NDUFS1: variants seen among roughly 807,000 people sequenced by gnomAD.
The protein encoded by NDUFS1 is NADH-ubiquinone oxidoreductase 75 kDa subunit, mitochondrial.
In NDUFS1, 61 loss-of-function variants were observed where a neutral mutation model predicts 84.4. That is an observed-to-expected ratio of 0.72 (90% CI 0.59 to 0.89). NDUFS1 has a LOEUF of 0.89. Among genes scored for constraint, NDUFS1 ranks in the 40% least tolerant of loss-of-function variants. The pLI is 0.00. For synonymous variants in NDUFS1, 275 were observed against 290.0 expected (o/e 0.95, Z 0.53); for missense variants, 891 against 890.0 (o/e 1.00, Z -0.01).
At position 206,115,832 on chromosome 2, in the gene NDUFS1, T is replaced by C. The variant is rs1690929651; in HGVS notation, c.*8353A>G. On this transcript the variant is annotated 3_prime_UTR_variant, in exon 19 of 19. Transcript: ENST00000233190. ...TTATCTTTGAATTATGTAATTTTTG[T>C]AACTAATTTTTACCATGGATAATTT... The C allele has an allele frequency of 2.2e-6, 1 of 445,430 alleles. No homozygotes were observed. The highest frequency in any genetic ancestry group is 2.0e-5 in the African/African-American group (1 of 50,202). 27.6% of individuals were successfully genotyped at this position (445,430 alleles called of 1,614,324 possible).
At chr2:206,139,951 T>A (rs978415252) in intron 12 of NDUFS1, among the ~76,000 whole-genome samples, 10 of 146,112 alleles carry the variant, frequency 6.8e-5, no homozygotes, top group African/African-American at 2.3e-4. Flanking sequence ...CCAGAATGGA[T>A]CCTGAGGAAA....
intron 3 of NDUFS1, among the ~76,000 whole-genome samples, chr2:206,151,096 A>G (rs1490524541): frequency 6.6e-6 from 1 of 152,160 alleles, no homozygotes; most frequent in Non-Finnish European, 1.5e-5. Flanking sequence ...AATAATACAA[A>G]ATGCTTTTTC....
chr2:206,146,840 A>G (rs1206753581), intron 8 of NDUFS1, 63 bp downstream of exon 8: 1 of 1,478,948 alleles, frequency 6.8e-7, no homozygotes, highest in East Asian at 2.3e-5. Context: ...ATGAACCTTA[A>G]TATTTTTTTG....
intron 1 of NDUFS1, among the ~76,000 whole-genome samples, chr2:206,158,010 C>A (rs1687735873): frequency 6.7e-6 from 1 of 149,966 alleles, no homozygotes; most frequent in African/African-American, 2.5e-5. Context: ...GTCGCCCAGG[C>A]TGGAGTGCAG....
intron 4 of NDUFS1, among the ~76,000 whole-genome samples, chr2:206,149,532 A>C (rs1359329891): frequency 2.0e-5 from 3 of 152,146 alleles, no homozygotes; most frequent in South Asian, 4.1e-4. Flanking sequence ...GCAACTCTAC[A>C]TCCTGGTTAT....
Position 206,116,123 on chromosome 2 carries a change from GA to G in NDUFS1, c.*8061del. 6.9e-7 allele frequency: 1 copy of G among 1,452,790 alleles called. No individual in the cohort carries two copies. The highest frequency in any genetic ancestry group is 2.3e-5 in the East Asian group (1 of 44,152). 90.0% of individuals were successfully genotyped at this position (1,452,790 alleles called of 1,614,324 possible). A position where few individuals can be genotyped will look rare whatever the true frequency, so the allele number is the denominator to read the frequency against. ...GTGGTTCCATTTTCACTCCTCAATA[GA>G]TTTTATGTATTTCTCATATGCTTCT... On this transcript the variant is annotated 3_prime_UTR_variant, in exon 19 of 19. Coordinates refer to ENST00000233190, the MANE Select transcript of NDUFS1 (RefSeq NM_005006.7).
chr2:206,127,739 G>C, intron 16 of NDUFS1, 58 bp downstream of exon 16: 1 of 1,560,158 alleles, frequency 6.4e-7, no homozygotes, highest in South Asian at 1.1e-5. Context: ...ATTCTAACAG[G>C]CTAAAATATC....
chr2:206,117,885 AT>A lies in NDUFS1; in HGVS notation c.*6299del, dbSNP rs1469436693. 15 of 152,172 alleles carry A rather than the reference AT, an allele frequency of 9.9e-5. No individual in the cohort carries two copies. The highest frequency in any genetic ancestry group is 3.4e-4 in the African/African-American group (14 of 41,444). The allele number at this position is 152,172 out of a possible 1,614,324, so 9.4% of individuals were successfully genotyped here. A position where few individuals can be genotyped will look rare whatever the true frequency, so the allele number is the denominator to read the frequency against. ...TTTTTTTTTGTATAGTCCTTTACAG[AT>A]CCAAAATTATGATTTTAAGAAGGAA... On this transcript the variant is annotated 3_prime_UTR_variant, in exon 19 of 19. Transcript: ENST00000233190.
In NDUFS1 at chr2:206,139,722, T is replaced by A. The variant is rs1045594553; in HGVS notation, c.1263-1108A>T. 4.6e-5 allele frequency among the ~76,000 whole-genome samples: 7 copies of A among 151,958 alleles called. No homozygotes were observed. In the East Asian group the frequency reaches 9.6e-4, roughly 21 times the overall value. ...TGGTTTGTCTGAGATAATGCTTTTT[T>A]TTTTCCCTGTTATCCTGATGTAATT... On this transcript the variant is annotated intron_variant, in intron 12 of 18. Transcript: ENST00000233190.
At chr2:206,129,745 C>A (rs1289670138) in intron 15 of NDUFS1, among the ~76,000 whole-genome samples, 1 of 151,974 alleles carries the variant, frequency 6.6e-6, no homozygotes, top group African/African-American at 2.4e-5. Context: ...GCGCCCGCCA[C>A]CACGCTCGGC....
chr2:206,117,498 G>C lies in NDUFS1; in HGVS notation c.*6687C>G, dbSNP rs763260278. The C allele has an allele frequency of 1.3e-5, 2 of 152,204 alleles. No homozygotes were observed. The highest frequency in any genetic ancestry group is 2.9e-5 in the Non-Finnish European group (2 of 68,058). 9.4% of individuals were successfully genotyped at this position (152,204 alleles called of 1,614,324 possible). A position where few individuals can be genotyped will look rare whatever the true frequency, so the allele number is the denominator to read the frequency against. On this transcript the variant is annotated 3_prime_UTR_variant, in exon 19 of 19. Transcript: ENST00000233190. ...CGCCCATGCTAGAGCGCAGTGGCGC[G>C]ATCTGGGATCACTGCAACCTCCGCC...
chr2:206,139,431 C>T (rs528642781), intron 12 of NDUFS1, among the ~76,000 whole-genome samples: 100 of 152,224 alleles, frequency 6.6e-4, no homozygotes, highest in South Asian at 1.5e-3. Flanking sequence ...AGGTGATCCA[C>T]CCGCCTCAGC....
At position 206,138,586 on chromosome 2, in the gene NDUFS1, G is replaced by C. The variant is rs78042826; in HGVS notation, c.1291C>G (p.Leu431Val). The C allele has an allele frequency of 4.3e-3, 6,892 of 1,613,942 alleles. 19 individuals are homozygous for C. Among genetic ancestry groups the C allele is most frequent in the Non-Finnish European group, 5.2e-3 (6,191 of 1,179,886 alleles). Residue 431 changes from leucine (L) to valine (V), a missense_variant, in exon 13 of 19, where the codon CTT (leucine) becomes GTT (valine). By Grantham distance (32) the Leu-to-Val change is conservative. Coordinates refer to ENST00000233190, the MANE Select transcript of NDUFS1 (RefSeq NM_005006.7). The part of the protein sequence containing the change: ...SWLHNDLKVA[L>V]IGSPVDLTYT... Reference sequence around the variant, plus strand: ...GTGAGGTCCACTGGACTGCCTATAAGGGCCACTTTTAAGTCATTATGCAGC... The same window carrying C: ...GTGAGGTCCACTGGACTGCCTATAACGGCCACTTTTAAGTCATTATGCAGC...
rs757544175 is a variant in NDUFS1, at chr2:206,127,896, T to C, written c.1785A>G (p.Thr595=). The C allele has an allele frequency of 4.8e-5, 77 of 1,614,058 alleles. No homozygotes were observed. The highest frequency in any genetic ancestry group is 2.6e-5 in the Non-Finnish European group (31 of 1,180,034). Residue 595 remains threonine, a synonymous_variant, in exon 16 of 19, where the codon ACA becomes ACG. Transcript: ENST00000233190. Reference sequence around the variant, plus strand: ...GAGCTCTACCCTCAGTGTTGACATATGTAGCAGACTTCTCTGTGTAAGCAG... The same window carrying C: ...GAGCTCTACCCTCAGTGTTGACATACGTAGCAGACTTCTCTGTGTAAGCAG... ...PGAAYTEKSA[T]YVNTEGRAQQ... is the part of the protein sequence containing the mutation.
chr2:206,128,937 A>C (rs550721369), intron 15 of NDUFS1, among the ~76,000 whole-genome samples: 1 of 152,302 alleles, frequency 6.6e-6, no homozygotes, highest in Admixed American at 6.5e-5. Context: ...AGTTTGTGAA[A>C]TTTGGTAAAG....
At position 206,144,790 on chromosome 2, in the gene NDUFS1, TTCAG is replaced by T. The variant is rs1306320494; in HGVS notation, c.872+98_872+101del. ...GCAACTCAGATTCCAGTAGTCTATA[TTCAG>T]TAACTAATTTGCAAATATAAAAGAT... is the stretch of plus-strand genomic sequence containing the variant. On this transcript the variant is annotated intron_variant, in intron 9 of 18. Coordinates refer to ENST00000233190, the MANE Select transcript of NDUFS1 (RefSeq NM_005006.7). The T allele has an allele frequency of 5.7e-6, 7 of 1,234,860 alleles. No homozygotes were observed. In the Admixed American group the frequency reaches 1.0e-4, roughly 18 times the overall value. 76.5% of individuals were successfully genotyped at this position (1,234,860 alleles called of 1,614,324 possible).
chr2:206,153,724 AC>A, intron 1 of NDUFS1, 42 bp from the exon 2 acceptor site: 1 of 1,039,794 alleles, frequency 9.6e-7, no homozygotes, highest in Non-Finnish European at 1.5e-6. Context: ...AGGGAAAAAA[AC>A]AATCACCAAC....
chr2:206,152,024 C>A (rs867875838), intron 3 of NDUFS1, among the ~76,000 whole-genome samples: 7 of 152,166 alleles, frequency 4.6e-5, no homozygotes, highest in Non-Finnish European at 7.3e-5. Flanking sequence ...CGCCACGATG[C>A]GCAGCTAATT....
At position 206,119,037 on chromosome 2, in the gene NDUFS1, G is replaced by C. The variant is rs1000401060; in HGVS notation, c.*5148C>G. On this transcript the variant is annotated 3_prime_UTR_variant, in exon 19 of 19. Coordinates refer to ENST00000233190, the MANE Select transcript of NDUFS1 (RefSeq NM_005006.7). ...CAGGAGGTGGAGGTTGCAGTGAGCT[G>C]AGATTGCGCCACTGCACTCCAGACT... is the stretch of plus-strand genomic sequence containing the variant. The C allele has an allele frequency of 1.3e-5, 2 of 152,406 alleles. No individual in the cohort carries two copies. Among genetic ancestry groups the C allele is most frequent in the Non-Finnish European group, 2.9e-5 (2 of 68,214 alleles). 9.4% of individuals were successfully genotyped at this position (152,406 alleles called of 1,614,324 possible). A position where few individuals can be genotyped will look rare whatever the true frequency, so the allele number is the denominator to read the frequency against.
Sources: allele counts gnomAD v4.1 joint callset (sites outside exome capture counted in the v4.1 genomes callset), GRCh38; gene constraint gnomAD v4.1.1; transcripts MANE v1.5; gene names NCBI Gene and HGNC (gene_info 2026-07-23, HGNC 2026-07-21).